The following LHFPL3 variants were observed in gnomAD, a reference collection of about 807,000 sequenced individuals.
The protein encoded by LHFPL3 is LHFPL tetraspan subfamily member 3 protein.
In LHFPL3, 5 loss-of-function variants were observed where a neutral mutation model predicts 19.3. That is an observed-to-expected ratio of 0.26 (90% CI 0.14 to 0.54). LHFPL3 has a LOEUF of 0.54. Ranked by LOEUF, LHFPL3 falls within the 20% of genes least tolerant of loss-of-function variation. The pLI, the probability that LHFPL3 is intolerant of heterozygous loss-of-function variation, is 0.94. For synonymous variants in LHFPL3, 133 were observed against 126.2 expected, an observed-to-expected ratio of 1.05 and a Z score of -0.36; for missense variants, 249 against 307.4, an observed-to-expected ratio of 0.81 and a Z score of 1.42.
intron 1 of LHFPL3, chr7:104,668,909 A>G: frequency 6.2e-7 from 1 of 1,612,440 alleles, no homozygotes; most frequent in Non-Finnish European, 8.5e-7. Context: ...TTGCAGCGTC[A>G]GCTGGATGGG....
chr7:104,801,523 A>G (rs1394940418), intron 2 of LHFPL3, among the ~76,000 whole-genome samples: 2 of 152,042 alleles, frequency 1.3e-5, no homozygotes, highest in African/African-American at 4.8e-5. Context: ...GTTAGCACCA[A>G]AGTTTTTTGT....
intron 1 of LHFPL3, among the ~76,000 whole-genome samples, chr7:104,571,239 A>G (rs1790224876): frequency 6.6e-6 from 1 of 152,222 alleles, no homozygotes; most frequent in South Asian, 2.1e-4. Flanking sequence ...TTTAGACTGT[A>G]AAATGAAAAG....
At chr7:104,482,698 A>G (rs964842601) in intron 1 of LHFPL3, among the ~76,000 whole-genome samples, 2 of 152,186 alleles carry the variant, frequency 1.3e-5, no homozygotes, top group Non-Finnish European at 2.9e-5. Context: ...TAAAGCAGCA[A>G]TTGCTTGCAT....
intron 1 of LHFPL3, among the ~76,000 whole-genome samples, chr7:104,488,238 AC>A (rs1322459384): frequency 6.6e-6 from 1 of 152,188 alleles, no homozygotes; most frequent in Non-Finnish European, 1.5e-5. Context: ...GGCAACACTT[AC>A]AAATATTTTG....
At chr7:104,775,081 C>CAGT (rs1464418404) in intron 2 of LHFPL3, among the ~76,000 whole-genome samples, 1 of 152,174 alleles carries the variant, frequency 6.6e-6, no homozygotes, top group Non-Finnish European at 1.5e-5. Context: ...AACCATAATA[C>CAGT]AGTATATGTT....
At chr7:104,483,864 A>T (rs1433699703) in intron 1 of LHFPL3, among the ~76,000 whole-genome samples, 1 of 152,150 alleles carries the variant, frequency 6.6e-6, no homozygotes, top group Non-Finnish European at 1.5e-5. Flanking sequence ...GGTTCAAGCG[A>T]TCCTCCCACC....
chr7:104,494,833 G>A (rs1011107807), intron 1 of LHFPL3, among the ~76,000 whole-genome samples: 1 of 152,126 alleles, frequency 6.6e-6, no homozygotes, highest in Non-Finnish European at 1.5e-5. Flanking sequence ...TGTTGCAGCA[G>A]CACCATGGGT....
At chr7:104,815,002 C>A (rs1328452612) in intron 2 of LHFPL3, among the ~76,000 whole-genome samples, 7 of 152,180 alleles carry the variant, frequency 4.6e-5, no homozygotes, top group Non-Finnish European at 4.4e-5. Flanking sequence ...TGCGCCTGGG[C>A]TCCCACCTGC....
chr7:104,791,341 A>G (rs1337104175), intron 2 of LHFPL3, among the ~76,000 whole-genome samples: 1 of 152,256 alleles, frequency 6.6e-6, no homozygotes, highest in Admixed American at 6.5e-5. Context: ...GCATAATTTA[A>G]AAGAGTTTAA....
chr7:104,529,191 T>C (rs1794245743), intron 1 of LHFPL3, among the ~76,000 whole-genome samples: 1 of 152,156 alleles, frequency 6.6e-6, no homozygotes, highest in Non-Finnish European at 1.5e-5. Context: ...GTCAGAAGAA[T>C]GTGATGCTCT....
chr7:104,391,572 G>A (rs540600043), intron 1 of LHFPL3, among the ~76,000 whole-genome samples: 5 of 152,318 alleles, frequency 3.3e-5, no homozygotes, highest in African/African-American at 7.2e-5. Context: ...GTACCATGCT[G>A]TTTTGGTTAC....
At position 104,669,235 on chromosome 7, in the gene LHFPL3, G is replaced by A. The variant is rs544060335; in HGVS notation, c.446-67440G>A. The A allele has an allele frequency of 7.8e-4, 1,257 of 1,613,990 alleles. 19 individuals carry two copies. The South Asian group carries it at 0.013, about 17-fold the overall frequency. On this transcript the variant is annotated intron_variant, in intron 1 of 2. Coordinates refer to ENST00000424859, the MANE Select transcript of LHFPL3 (RefSeq NM_199000.3). Reference sequence around the variant, plus strand: ...CCCTCCTGCTCGATCTCAGAGCTCAGACACAGAGCAGCAATCCCCTACAAG... The same window carrying A: ...CCCTCCTGCTCGATCTCAGAGCTCAAACACAGAGCAGCAATCCCCTACAAG...
intron 1 of LHFPL3, among the ~76,000 whole-genome samples, chr7:104,576,406 T>A (rs1361039565): frequency 1.3e-5 from 2 of 152,170 alleles, no homozygotes; most frequent in African/African-American, 4.8e-5. Flanking sequence ...AAACACACTA[T>A]TTATACTTAG....
At chr7:104,422,294 G>A (rs2116536207) in intron 1 of LHFPL3, among the ~76,000 whole-genome samples, 1 of 152,294 alleles carries the variant, frequency 6.6e-6, no homozygotes, top group East Asian at 1.9e-4. Flanking sequence ...CCGGGAGGTG[G>A]AGGTTGCAGT....
At chr7:104,887,912 T>C (rs1792177606) in intron 2 of LHFPL3, among the ~76,000 whole-genome samples, 1 of 152,146 alleles carries the variant, frequency 6.6e-6, no homozygotes, top group African/African-American at 2.4e-5. Flanking sequence ...CAGAGTTGTT[T>C]GGGGGTTTTA....
intron 1 of LHFPL3, among the ~76,000 whole-genome samples, chr7:104,654,385 GC>G (rs765586864): frequency 1.3e-5 from 2 of 152,160 alleles, no homozygotes; most frequent in Non-Finnish European, 2.9e-5. Context: ...AGAAATTAAT[GC>G]TTTCCTACAT....
intron 1 of LHFPL3, among the ~76,000 whole-genome samples, chr7:104,589,321 AG>A (rs1562943173): frequency 1.3e-5 from 2 of 152,168 alleles, no homozygotes; most frequent in South Asian, 2.1e-4. Flanking sequence ...TTTAGCATGA[AG>A]GGCTGTTGAA....
intron 2 of LHFPL3, among the ~76,000 whole-genome samples, chr7:104,865,703 A>C (rs547346610): frequency 1.1e-3 from 169 of 152,276 alleles, no homozygotes; most frequent in African/African-American, 3.8e-3. Context: ...GGCCAACATT[A>C]AAATTCAGGA....
intron 1 of LHFPL3, among the ~76,000 whole-genome samples, chr7:104,553,066 T>A (rs1185098092): frequency 6.6e-6 from 1 of 152,198 alleles, no homozygotes; most frequent in Non-Finnish European, 1.5e-5. Flanking sequence ...GTATTATGAT[T>A]ATGATTTTTT....
Sources: allele counts gnomAD v4.1 joint callset (sites outside exome capture counted in the v4.1 genomes callset), GRCh38; gene constraint gnomAD v4.1.1; transcripts MANE v1.5; gene names NCBI Gene and HGNC (gene_info 2026-07-23, HGNC 2026-07-21).